MYO9A: variants seen among roughly 807,000 people sequenced by gnomAD.
MYO9A encodes myosin IXA, also known as unconventional myosin-IXa.
A neutral mutation model predicts 293.3 loss-of-function variants in MYO9A; 103 were observed. That is an observed-to-expected ratio of 0.35 (90% CI 0.30 to 0.41). MYO9A has a LOEUF of 0.41. Ranked by LOEUF, MYO9A falls within the 10% of genes least tolerant of loss-of-function variation. MYO9A has a pLI of 1.00. For missense variants in MYO9A, 2,685 were observed against 3,033.0 expected (o/e 0.89, Z 2.69); for synonymous variants, 1,001 against 1,035.7 (o/e 0.97, Z 0.64).
chr15:71,999,821 T>A, intron 9 of MYO9A, 30 bp downstream of exon 9: 1 of 1,570,660 alleles, frequency 6.4e-7, no homozygotes, highest in African/African-American at 1.4e-5. Context: ...ATGTCCAGAA[T>A]GCTTTCATTT....
chr15:72,000,586 A>G (rs959408797), intron 8 of MYO9A, among the ~76,000 whole-genome samples: 6 of 152,218 alleles, frequency 3.9e-5, no homozygotes, highest in African/African-American at 1.4e-4. Context: ...ATGTTTATCT[A>G]TAAAGTACCA....
At position 71,898,108 on chromosome 15, in the gene MYO9A, C is replaced by T. The variant is rs1328263822; in HGVS notation, c.4395G>A (p.Arg1465=). ...TCTGATCTTTTCCTGAGCAGTGATA[C>T]CTTCTAGTTTCCCTGTTGATATCCA... The part of the protein sequence containing the change: ...LTLDINRETR[R]YHCSGKDQIV... The change falls in exon 25 of 42, where the codon AGG becomes AGA. Residue 1465 remains arginine, a synonymous_variant. Transcript: ENST00000356056. The T allele has an allele frequency of 6.8e-6, 11 of 1,613,988 alleles. No individual in the cohort carries two copies. The highest frequency in any genetic ancestry group is 9.3e-6 in the Non-Finnish European group (11 of 1,180,030).
chr15:71,922,080 C>T (rs1477086156), intron 18 of MYO9A, among the ~76,000 whole-genome samples: 1 of 152,172 alleles, frequency 6.6e-6, no homozygotes, highest in Non-Finnish European at 1.5e-5. Context: ...CAGGTTCAAG[C>T]AATTCTCCTG....
chr15:71,935,406 A>G lies in MYO9A; in HGVS notation c.2457T>C (p.Asp819=). ...TTGAATTAGCAAATATTCCATCTTT[A>G]TCAAGCAAGGAGGTGCCACTTGATA... is the stretch of plus-strand genomic sequence containing the variant. ...SRLSSGTSLL[D]KDGIFANSTS... Residue 819 remains aspartate (D), a synonymous_variant, in exon 17 of 42, where the codon GAT becomes GAC. Transcript: ENST00000356056. 1 of 1,613,742 alleles carries G rather than the reference A, an allele frequency of 6.2e-7. No individual in the cohort carries two copies. Among genetic ancestry groups the G allele is most frequent in the Non-Finnish European group, 8.5e-7 (1 of 1,179,718 alleles).
chr15:71,847,555 A>C, intron 39 of MYO9A: 1 of 389,644 alleles, frequency 2.6e-6, no homozygotes, highest in Non-Finnish European at 5.6e-6. Context: ...TAATCTTGCA[A>C]TGGACTGAAT....
chr15:71,905,690 G>A (rs1356698200), intron 19 of MYO9A, among the ~76,000 whole-genome samples: 1 of 149,322 alleles, frequency 6.7e-6, no homozygotes. Flanking sequence ...TTAAACCTGG[G>A]AGGTGGAGGT....
chr15:72,093,616 G>C (rs2079986024), intron 1 of MYO9A, among the ~76,000 whole-genome samples: 3 of 150,872 alleles, frequency 2.0e-5, no homozygotes, highest in African/African-American at 7.2e-5. Context: ...GCCAGGCACA[G>C]TGGCTCAAGC....
intron 32 of MYO9A, among the ~76,000 whole-genome samples, chr15:71,863,015 T>A (rs937642172): frequency 2.0e-5 from 3 of 149,944 alleles, no homozygotes; most frequent in South Asian, 4.3e-4. Flanking sequence ...AGCCTCCGCC[T>A]CCTGGGTTCA....
chr15:71,864,702 C>G (rs565553712), intron 32 of MYO9A, among the ~76,000 whole-genome samples: 1 of 152,140 alleles, frequency 6.6e-6, no homozygotes, highest in Admixed American at 6.5e-5. Context: ...ACTTCAAAAA[C>G]ATTATGCTAA....
intron 1 of MYO9A, among the ~76,000 whole-genome samples, chr15:72,077,247 C>A (rs1221070465): frequency 6.6e-6 from 1 of 151,972 alleles, no homozygotes; most frequent in Non-Finnish European, 1.5e-5. Flanking sequence ...AAAGCACAAA[C>A]CATAGAAGAA....
Position 72,118,037 on chromosome 15 carries a change from G to T in MYO9A, c.-429C>A. 1 of 396,664 alleles carries T rather than the reference G, an allele frequency of 2.5e-6. No individual in the cohort carries two copies. Among genetic ancestry groups the T allele is most frequent in the East Asian group, 3.6e-5 (1 of 27,984 alleles). The allele number at this position is 396,664 out of a possible 1,614,324, so 24.6% of individuals were successfully genotyped here. A position where few individuals can be genotyped will look rare whatever the true frequency, so the allele number is the denominator to read the frequency against. On this transcript the variant is annotated 5_prime_UTR_variant, in exon 1 of 42. It adds an upstream start codon to the 5' untranslated region. Coordinates refer to ENST00000356056, the MANE Select transcript of MYO9A (RefSeq NM_006901.4). ...CGGGCTGTCCTGTACTCTCTCAACA[G>T]ACACAGCCAACCGCCGCCGCGTCCC...
intron 28 of MYO9A, among the ~76,000 whole-genome samples, chr15:71,882,746 G>T (rs1257331153): frequency 6.6e-6 from 1 of 152,074 alleles, no homozygotes; most frequent in Non-Finnish European, 1.5e-5. Flanking sequence ...GAGCAGGACT[G>T]CCTAGATTCA....
At chr15:71,834,293 A>C (rs1425252793) in intron 39 of MYO9A, among the ~76,000 whole-genome samples, 1 of 152,148 alleles carries the variant, frequency 6.6e-6, no homozygotes, top group African/African-American at 2.4e-5. Context: ...AGGAATGTGA[A>C]TAATATTAAA....
At chr15:71,840,722 G>A (rs1470860973) in intron 39 of MYO9A, among the ~76,000 whole-genome samples, 1 of 152,032 alleles carries the variant, frequency 6.6e-6, no homozygotes, top group Non-Finnish European at 1.5e-5. Context: ...CTCTGCCTCT[G>A]GGGTTCACGC....
In MYO9A at chr15:71,826,572, C is replaced by G. The variant is rs533786620; in HGVS notation, c.*8G>C. 1.7e-5 allele frequency: 26 copies of G among 1,568,864 alleles called. No homozygotes were observed. The East Asian group carries it at 5.6e-4, about 34-fold the overall frequency. On this transcript the variant is annotated 3_prime_UTR_variant, in exon 42 of 42. Transcript: ENST00000356056. ...TCTGTAGCCACGGAGGGACACACAT[C>G]TGCCGGTTCAGACCATAAATTCATT...
chr15:72,100,925 G>T (rs1445698719), intron 1 of MYO9A, among the ~76,000 whole-genome samples: 6 of 136,292 alleles, frequency 4.4e-5, no homozygotes, highest in Non-Finnish European at 9.6e-5. Context: ...AGGTGGGGGG[G>T]GTCAGCCCCC....
At chr15:71,904,590 T>G (rs1455449741) in intron 20 of MYO9A, among the ~76,000 whole-genome samples, 1 of 152,110 alleles carries the variant, frequency 6.6e-6, no homozygotes, top group Non-Finnish European at 1.5e-5. Context: ...GAGGCGGAGA[T>G]TACAGTGAGC....
At chr15:71,843,286 G>C (rs2415124) in intron 39 of MYO9A, among the ~76,000 whole-genome samples, 1 of 152,042 alleles carries the variant, frequency 6.6e-6, no homozygotes, top group South Asian at 2.1e-4. Flanking sequence ...AAAATTAGCC[G>C]GGCACGGTGG....
At chr15:72,070,842 G>A (rs566734249) in intron 1 of MYO9A, among the ~76,000 whole-genome samples, 1 of 152,212 alleles carries the variant, frequency 6.6e-6, no homozygotes, top group South Asian at 2.1e-4. Flanking sequence ...GGAAATACTG[G>A]CTACCCATAT....
Sources: gnomAD v4.1 joint callset for allele counts (sites outside exome capture counted in the v4.1 genomes callset) on GRCh38, gnomAD v4.1.1 for gene constraint, MANE v1.5 for transcripts, NCBI Gene and HGNC (gene_info 2026-07-23, HGNC 2026-07-21) for gene names.